LINGO2: variants seen among roughly 807,000 people sequenced by gnomAD.
The protein encoded by LINGO2 is leucine-rich repeat and immunoglobulin-like domain-containing nogo receptor-interacting protein 2.
LINGO2 carries 14 observed loss-of-function variants against 30.6 expected under a neutral mutation model. That is an observed-to-expected ratio of 0.46 (90% CI 0.30 to 0.72). LINGO2 has a LOEUF of 0.72. Ranked by LOEUF, LINGO2 falls within the 30% of genes least tolerant of loss-of-function variation. LINGO2 has a pLI of 0.07. For missense variants in LINGO2, 729 were observed against 751.7 expected (o/e 0.97, Z 0.35); for synonymous variants, 317 against 288.5 (o/e 1.10, Z -1.00).
the LINGO2 span, among the ~76,000 whole-genome samples, chr9:28,885,635 T>C: frequency 6.6e-6 from 1 of 152,046 alleles, no homozygotes; most frequent in Non-Finnish European, 1.5e-5. Flanking sequence ...GAAGTAGTAG[T>C]TGCACTAGGA....
chr9:28,012,830 T>C (rs1400114043), intron 4 of LINGO2, among the ~76,000 whole-genome samples: 1 of 152,150 alleles, frequency 6.6e-6, no homozygotes, highest in Non-Finnish European at 1.5e-5. Context: ...TCAAAAACTG[T>C]CTATCTGAAA....
intron 1 of LINGO2, among the ~76,000 whole-genome samples, chr9:28,488,282 C>CT (rs1395640741): frequency 6.6e-6 from 1 of 152,088 alleles, no homozygotes; most frequent in African/African-American, 2.4e-5. Context: ...TAAGAAAAAA[C>CT]TTTAAGAGAT....
intron 1 of LINGO2, among the ~76,000 whole-genome samples, chr9:28,607,323 A>G (rs1203036602): frequency 2.0e-5 from 3 of 152,074 alleles, no homozygotes; most frequent in Non-Finnish European, 4.4e-5. Context: ...AGGTTTTGAC[A>G]GTGGCATTCT....
intron 4 of LINGO2, among the ~76,000 whole-genome samples, chr9:28,214,838 A>G (rs1820709624): frequency 6.6e-6 from 1 of 151,684 alleles, no homozygotes; most frequent in Non-Finnish European, 1.5e-5. Context: ...CACAGAATGG[A>G]AACAAATCAG....
At chr9:28,254,802 G>C (rs1029205642) in intron 4 of LINGO2, among the ~76,000 whole-genome samples, 4 of 152,106 alleles carry the variant, frequency 2.6e-5, no homozygotes, top group South Asian at 2.1e-4. Context: ...TACATGTGCA[G>C]ATTTGTTATA....
At chr9:27,978,747 A>C (rs1420137830) in intron 5 of LINGO2, among the ~76,000 whole-genome samples, 1 of 151,998 alleles carries the variant, frequency 6.6e-6, no homozygotes, top group Non-Finnish European at 1.5e-5. Context: ...CCTTTAATAT[A>C]GAATCCAGCA....
chr9:27,948,657 G>C, exon 6 of LINGO2: 1 of 643,802 alleles, frequency 1.6e-6, no homozygotes, highest in Non-Finnish European at 2.7e-6. Context: ...ACTGTGTGAA[G>C]GGCTCTGACA....
the LINGO2 span, among the ~76,000 whole-genome samples, chr9:28,969,032 T>C: frequency 6.6e-6 from 1 of 152,190 alleles, no homozygotes; most frequent in Non-Finnish European, 1.5e-5. Context: ...AATAGTTATA[T>C]GTAAATTTTT....
chr9:28,046,093 C>T (rs1172708667), intron 4 of LINGO2, among the ~76,000 whole-genome samples: 1 of 152,132 alleles, frequency 6.6e-6, no homozygotes, highest in African/African-American at 2.4e-5. Flanking sequence ...TGAAGTTCAG[C>T]TAAATGTTAT....
chr9:28,997,863 A>G, the LINGO2 span, among the ~76,000 whole-genome samples: 69 of 152,318 alleles, frequency 4.5e-4, 1 homozygote, highest in Admixed American at 2.5e-3. Context: ...AATAATAGTT[A>G]TAATTCGTTT....
intron 2 of LINGO2, among the ~76,000 whole-genome samples, chr9:28,376,977 C>T (rs1324566893): frequency 2.7e-5 from 4 of 150,050 alleles, no homozygotes; most frequent in African/African-American, 1.0e-4. Flanking sequence ...ACAATAGCTA[C>T]AATTATACTG....
the LINGO2 span, among the ~76,000 whole-genome samples, chr9:29,117,573 G>A: frequency 1.3e-5 from 2 of 152,056 alleles, no homozygotes; most frequent in African/African-American, 4.8e-5. Context: ...GTCAGTCATC[G>A]ACTGTGGGAC....
chr9:28,969,601 G>A, the LINGO2 span, among the ~76,000 whole-genome samples: 2 of 152,140 alleles, frequency 1.3e-5, no homozygotes, highest in Non-Finnish European at 2.9e-5. Flanking sequence ...CAGTCAGGAA[G>A]TGGCTCTAAT....
chr9:28,731,236 G>T, the LINGO2 span, among the ~76,000 whole-genome samples: 1 of 151,992 alleles, frequency 6.6e-6, no homozygotes, highest in Non-Finnish European at 1.5e-5. Context: ...CGATCCACCC[G>T]CCTCGGCCTC....
At chr9:29,126,924 T>C in the LINGO2 span, among the ~76,000 whole-genome samples, 1 of 152,066 alleles carries the variant, frequency 6.6e-6, no homozygotes, top group Non-Finnish European at 1.5e-5. Context: ...CCCACCCTTT[T>C]CTGTGTAGCA....
intron 1 of LINGO2, among the ~76,000 whole-genome samples, chr9:28,655,829 G>A (rs934110378): frequency 1.3e-5 from 2 of 152,066 alleles, no homozygotes; most frequent in African/African-American, 2.4e-5. Context: ...GGCCTCCCCA[G>A]ACATGCTGAA....
chr9:28,057,984 T>C (rs986623768), intron 4 of LINGO2, among the ~76,000 whole-genome samples: 9 of 152,144 alleles, frequency 5.9e-5, no homozygotes, highest in African/African-American at 2.2e-4. Flanking sequence ...TATTCTCTCC[T>C]ATTAAACTTT....
chr9:28,711,717 T>C, the LINGO2 span, among the ~76,000 whole-genome samples: 62 of 152,130 alleles, frequency 4.1e-4, no homozygotes, highest in African/African-American at 1.4e-3. Flanking sequence ...TATTTAAGTA[T>C]TGTAATACTT....
At chr9:28,362,309 A>T (rs207470175) in intron 3 of LINGO2, among the ~76,000 whole-genome samples, 1 of 146,096 alleles carries the variant, frequency 6.8e-6, no homozygotes, top group Non-Finnish European at 1.5e-5. Flanking sequence ...TGAAAGCTTA[A>T]AGATTTCACT....
Sources: gnomAD v4.1 joint callset for allele counts (sites outside exome capture counted in the v4.1 genomes callset) on GRCh38, gnomAD v4.1.1 for gene constraint, MANE v1.5 for transcripts, NCBI Gene and HGNC (gene_info 2026-07-23, HGNC 2026-07-21) for gene names.